SH2D3A: variants seen among roughly 807,000 people sequenced by gnomAD.
The protein encoded by SH2D3A is SH2 domain containing 3A, also known as SH2 domain-containing protein 3A.
A neutral mutation model predicts 50.6 loss-of-function variants in SH2D3A; 46 were observed. The ratio of observed to expected loss-of-function variants is 0.91; its 90% confidence interval spans 0.72 to 1.16. SH2D3A has a LOEUF of 1.16. Among genes scored for constraint, SH2D3A ranks in the 50% most tolerant of loss-of-function variants. The probability of loss-of-function intolerance (pLI) is 0.00; values close to 1 mark genes in which losing one functional copy is unlikely to be tolerated. For missense variants in SH2D3A, 783 were observed against 786.2 expected (o/e 1.00, Z 0.05); for synonymous variants, 377 against 348.4 (o/e 1.08, Z -0.91).
chr19:6,754,539 G>T, intron 6 of SH2D3A, 77 bp downstream of exon 6: 1 of 1,598,692 alleles, frequency 6.3e-7, no homozygotes, highest in South Asian at 1.1e-5. Context: ...GGAACCATGA[G>T]TGGGGAGCTG....
At chr19:6,756,400 G>C (rs570978152) in intron 4 of SH2D3A, among the ~76,000 whole-genome samples, 1 of 151,680 alleles carries the variant, frequency 6.6e-6, no homozygotes, top group South Asian at 2.1e-4. Context: ...ACTCAGATAA[G>C]TGTCAAAGAA....
intron 6 of SH2D3A, 62 bp from the exon 7 acceptor site, chr19:6,754,487 G>T: frequency 6.5e-7 from 1 of 1,541,860 alleles, no homozygotes. Flanking sequence ...AGGGGTGAGG[G>T]GGGACAGGAG....
chr19:6,753,934 C>T (rs1969485546), intron 8 of SH2D3A, 118 bp downstream of exon 8: 3 of 1,248,928 alleles, frequency 2.4e-6, no homozygotes, highest in Non-Finnish European at 3.2e-6. Context: ...GAGGGCGGGG[C>T]CTATGGTGAA....
At chr19:6,761,444 CTG>C (rs938046531) in intron 2 of SH2D3A, among the ~76,000 whole-genome samples, 11 of 152,194 alleles carry the variant, frequency 7.2e-5, no homozygotes, top group Admixed American at 7.2e-4. Context: ...AACATGTTGA[CTG>C]TGTTTAGCTG....
chr19:6,763,579 G>T (rs2144641978), intron 2 of SH2D3A, 101 bp downstream of exon 2: 1 of 1,063,134 alleles, frequency 9.4e-7, no homozygotes, highest in East Asian at 2.6e-5. Flanking sequence ...TGTCCCAATA[G>T]ACCTTGGCAC....
At chr19:6,764,824 T>A (rs941536880) in intron 1 of SH2D3A, among the ~76,000 whole-genome samples, 1 of 150,750 alleles carries the variant, frequency 6.6e-6, no homozygotes, top group Non-Finnish European at 1.5e-5. Flanking sequence ...TCCCACCTCA[T>A]CCTTCTGAGT....
chr19:6,765,703 A>G (rs936367250), intron 1 of SH2D3A, among the ~76,000 whole-genome samples: 6 of 146,960 alleles, frequency 4.1e-5, no homozygotes, highest in Non-Finnish European at 7.4e-5. Context: ...AACCGAGATC[A>G]CACCACTGCA....
intron 1 of SH2D3A, among the ~76,000 whole-genome samples, chr19:6,766,677 C>G (rs1970316633): frequency 6.6e-6 from 1 of 152,186 alleles, no homozygotes. Context: ...GATTAAAGCT[C>G]GGCACCACCC....
chr19:6,762,437 G>A (rs756696008), intron 2 of SH2D3A, among the ~76,000 whole-genome samples: 33 of 151,090 alleles, frequency 2.2e-4, no homozygotes, highest in African/African-American at 7.8e-4. Context: ...TACCCACCTC[G>A]GCCTCCCAAA....
intron 4 of SH2D3A, chr19:6,758,005 CTCTA>C (rs1969792929): frequency 6.6e-6 from 1 of 152,042 alleles, no homozygotes; most frequent in African/African-American, 2.4e-5. Context: ...TCTTTATAGT[CTCTA>C]TCTCCCTTAC....
In SH2D3A at chr19:6,754,177, T is replaced by C. The variant is rs2305807; in HGVS notation, c.1273-14A>G. ...CAACCGGGACACCTGGGAGAAGAGA[T>C]CTGAGCACGCCTCCTCTCCAGTCTT... On this transcript the variant is annotated splice_polypyrimidine_tract_variant and intron_variant, in intron 7 of 9. Coordinates refer to ENST00000245908, the MANE Select transcript of SH2D3A (RefSeq NM_005490.3). 0.29 allele frequency: 468,785 copies of C among 1,609,816 alleles called. 70,697 individuals carry two copies. Among genetic ancestry groups the C allele is most frequent in the African/African-American group, 0.49 (36,832 of 74,910 alleles).
At chr19:6,763,010 T>G (rs989473405) in intron 2 of SH2D3A, among the ~76,000 whole-genome samples, 11 of 152,278 alleles carry the variant, frequency 7.2e-5, no homozygotes, top group East Asian at 1.9e-4. Context: ...CCAGAATTTT[T>G]GGGGGTGACA....
chr19:6,763,407 G>A (rs538943553), intron 2 of SH2D3A, among the ~76,000 whole-genome samples: 1 of 152,284 alleles, frequency 6.6e-6, no homozygotes, highest in East Asian at 1.9e-4. Flanking sequence ...GGTAGATGGA[G>A]TTCAGAGGGA....
At chr19:6,759,720 C>G (rs1479097876) in intron 3 of SH2D3A, 50 bp from the exon 4 acceptor site, 1 of 1,567,536 alleles carries the variant, frequency 6.4e-7, no homozygotes, top group Admixed American at 1.7e-5. Flanking sequence ...AAGCAGTGTC[C>G]CCCACCAATA....
intron 4 of SH2D3A, among the ~76,000 whole-genome samples, chr19:6,755,750 A>C (rs1336713078): frequency 6.6e-6 from 1 of 152,006 alleles, no homozygotes; most frequent in Non-Finnish European, 1.5e-5. Context: ...TCTGACTGAA[A>C]GATGGTAAGC....
At chr19:6,756,426 C>T (rs1161010547) in intron 4 of SH2D3A, among the ~76,000 whole-genome samples, 1 of 151,498 alleles carries the variant, frequency 6.6e-6, no homozygotes, top group Non-Finnish European at 1.5e-5. Flanking sequence ...GCTTATTAAA[C>T]TTTCTTTTCT....
In SH2D3A at chr19:6,752,690, C is replaced by A. The variant is rs1229429570; in HGVS notation, c.1634G>T (p.Trp545Leu). The A allele has an allele frequency of 5.8e-6, 9 of 1,552,948 alleles. No individual in the cohort carries two copies. In the Admixed American group the frequency reaches 9.8e-5, roughly 17 times the overall value. Residue 545 changes from tryptophan to leucine, a missense_variant, in exon 10 of 10, where the codon TGG becomes TTG. Transcript: ENST00000245908. ...CGGAGCTCCCGCGCCCCGGCTACCCCAGAGCAGCCTCCGCACGAAGCCGGT... is the reference window on the plus strand; with the variant it reads ...CGGAGCTCCCGCGCCCCGGCTACCCAAGAGCAGCCTCCGCACGAAGCCGGT... ...LTTGFVRRLL[W>L]GSRGAGAPRA...
rs1437427833 is a variant in SH2D3A at position 6,754,846 on chromosome 19, TAGC to T, written c.963_965del (p.Leu323del). ...GGTGACCCACCTGGCAGTCTACCAA[TAGC>T]AGGTGAAGGGCGGTGCTCCCAGGAT... is the stretch of plus-strand genomic sequence containing the variant. On this transcript the variant is annotated inframe_deletion, in exon 5 of 10. Transcript: ENST00000245908. The T allele has an allele frequency of 6.2e-7, 1 of 1,602,352 alleles. No individual in the cohort carries two copies. Among genetic ancestry groups the T allele is most frequent in the African/African-American group, 1.3e-5 (1 of 74,776 alleles).
chr19:6,755,278 C>G lies in SH2D3A; in HGVS notation c.534G>C (p.Thr178=). ...CCTTCAGCAACACCGGGTCACTGCT[C>G]GTTCGGGGCAAGGCAGATATGGGCA... ...STMPISALPR[T]SSDPVLLKAP... is the part of the protein sequence containing the mutation. Residue 178 remains threonine (T), a synonymous_variant, in exon 5 of 10, where the codon ACG becomes ACC. Transcript: ENST00000245908. 1.7e-5 allele frequency: 26 copies of G among 1,519,868 alleles called. No homozygotes were observed. The highest frequency in any genetic ancestry group is 2.3e-5 in the Non-Finnish European group (26 of 1,134,078). 94.1% of individuals were successfully genotyped at this position (1,519,868 alleles called of 1,614,324 possible). A position where few individuals can be genotyped will look rare whatever the true frequency, so the allele number is the denominator to read the frequency against.
Sources: gnomAD v4.1 joint callset for allele counts (sites outside exome capture counted in the v4.1 genomes callset) on GRCh38, gnomAD v4.1.1 for gene constraint, MANE v1.5 for transcripts, NCBI Gene and HGNC (gene_info 2026-07-23, HGNC 2026-07-21) for gene names.